PTAR1: variants seen among roughly 807,000 people sequenced by gnomAD.
PTAR1 encodes protein prenyltransferase alpha subunit repeat-containing protein 1.
PTAR1 carries 17 observed loss-of-function variants against 45.5 expected under a neutral mutation model. The ratio of observed to expected loss-of-function variants is 0.37; its 90% CI spans 0.26 to 0.56. The LOEUF (loss-of-function observed/expected upper bound fraction) is 0.56. Among genes scored for constraint, PTAR1 ranks in the 20% least tolerant of loss-of-function variants. The pLI is 0.77. For missense variants in PTAR1, 391 were observed against 476.3 expected (o/e 0.82, Z 1.67); for synonymous variants, 169 against 171.3 (o/e 0.99, Z 0.11).
chr9:69,723,017 T>C (rs941904947), intron 6 of PTAR1, among the ~76,000 whole-genome samples: 1 of 148,392 alleles, frequency 6.7e-6, no homozygotes, highest in South Asian at 2.1e-4. Flanking sequence ...AAGGAAGGAG[T>C]CAAAAAAACT....
chr9:69,725,339 C>T (rs796485469), intron 5 of PTAR1, among the ~76,000 whole-genome samples: 46 of 152,146 alleles, frequency 3.0e-4, no homozygotes, highest in African/African-American at 1.1e-3. Flanking sequence ...CCTGTAATCC[C>T]AGCACTTTGG....
chr9:69,736,994 T>G (rs768542234), intron 3 of PTAR1, among the ~76,000 whole-genome samples: 2 of 152,168 alleles, frequency 1.3e-5, no homozygotes, highest in Admixed American at 6.5e-5. Context: ...TTTGTAGGTG[T>G]TGGATATTGC....
intron 5 of PTAR1, among the ~76,000 whole-genome samples, chr9:69,727,585 G>T (rs1171532594): frequency 6.6e-6 from 1 of 151,430 alleles, no homozygotes; most frequent in Non-Finnish European, 1.5e-5. Context: ...AATTGAACAG[G>T]GAATCCTTTC....
intron 1 of PTAR1, among the ~76,000 whole-genome samples, chr9:69,751,541 TA>T (rs1826534623): frequency 6.6e-6 from 1 of 152,094 alleles, no homozygotes; most frequent in Non-Finnish European, 1.5e-5. Context: ...CTTGGAAGGA[TA>T]ACAAGAAATT....
intron 1 of PTAR1, among the ~76,000 whole-genome samples, chr9:69,755,721 G>A (rs1282654981): frequency 2.0e-5 from 3 of 152,082 alleles, no homozygotes; most frequent in Non-Finnish European, 1.5e-5. Context: ...GGAACTGACC[G>A]TTGCATATTG....
chr9:69,751,498 C>G (rs1826532945), intron 1 of PTAR1, among the ~76,000 whole-genome samples: 1 of 151,888 alleles, frequency 6.6e-6, no homozygotes, highest in African/African-American at 2.4e-5. Context: ...TGTATAATTT[C>G]TTTAGAAGAT....
chr9:69,755,108 T>G (rs1029077367), intron 1 of PTAR1, among the ~76,000 whole-genome samples: 24 of 152,276 alleles, frequency 1.6e-4, no homozygotes, highest in Admixed American at 1.2e-3. Flanking sequence ...TTCTGGCCAT[T>G]TACATTCCTG....
chr9:69,725,901 T>C (rs1825254292), intron 5 of PTAR1, among the ~76,000 whole-genome samples: 1 of 152,138 alleles, frequency 6.6e-6, no homozygotes, highest in Non-Finnish European at 1.5e-5. Context: ...CTTCGTATGA[T>C]ATACGTTAAA....
intron 6 of PTAR1, among the ~76,000 whole-genome samples, chr9:69,719,118 G>A (rs1190536011): frequency 2.0e-5 from 3 of 152,130 alleles, no homozygotes; most frequent in African/African-American, 7.2e-5. Flanking sequence ...AGTTCCTTTA[G>A]AGGCTTAATC....
At chr9:69,757,287 A>G (rs1826827277) in intron 1 of PTAR1, 1 of 152,242 alleles carries the variant, frequency 6.6e-6, no homozygotes, top group South Asian at 2.1e-4. Context: ...AGAGAATCCA[A>G]TATGATTATC....
At chr9:69,749,478 C>T (rs903273619) in intron 2 of PTAR1, among the ~76,000 whole-genome samples, 4 of 152,110 alleles carry the variant, frequency 2.6e-5, no homozygotes, top group African/African-American at 9.7e-5. Flanking sequence ...AACAGATAAA[C>T]TTGCTTACCT....
Position 69,750,939 on chromosome 9 carries a change from C to A in PTAR1, c.98G>T (p.Gly33Val), listed in dbSNP as rs764792126. Reference protein sequence around the residue: ...FRRNPHIDEIGLIPCPEARYN... With the variant: ...FRRNPHIDEIVLIPCPEARYN... ...CCTAGCTTCAGGACATGGGATCAGGCCAATTTCATCTCTTAATATGTAAAA... is the reference window on the plus strand; with the variant it reads ...CCTAGCTTCAGGACATGGGATCAGGACAATTTCATCTCTTAATATGTAAAA... Residue 33 changes from glycine (G) to valine (V), a missense_variant, in exon 2 of 8, where the codon GGC becomes GTC. This residue lies in a region of PTAR1 where 152 missense variants were observed against 160.0 expected (regional missense o/e 0.95). Coordinates refer to ENST00000340434, the MANE Select transcript of PTAR1 (RefSeq NM_001099666.2). The A allele has an allele frequency of 6.3e-7, 1 of 1,582,366 alleles. No individual in the cohort carries two copies. Among genetic ancestry groups the A allele is most frequent in the Non-Finnish European group, 8.6e-7 (1 of 1,166,270 alleles).
At chr9:69,724,012 G>T (rs1825149093) in intron 5 of PTAR1, among the ~76,000 whole-genome samples, 1 of 152,040 alleles carries the variant, frequency 6.6e-6, no homozygotes, top group Non-Finnish European at 1.5e-5. Context: ...TATAAACTCA[G>T]ATTACTTTGA....
At chr9:69,730,870 C>A (rs1041158070) in intron 5 of PTAR1, among the ~76,000 whole-genome samples, 1 of 151,950 alleles carries the variant, frequency 6.6e-6, no homozygotes, top group Non-Finnish European at 1.5e-5. Flanking sequence ...GAACTAAAAT[C>A]GAGTGAATCT....
chr9:69,738,041 T>C lies in PTAR1; in HGVS notation c.323+3751A>G, dbSNP rs569339506. Among the ~76,000 whole-genome samples, 5 of 152,320 alleles carry C rather than the reference T, an allele frequency of 3.3e-5. No homozygotes were observed. In the South Asian group the frequency reaches 1.0e-3, roughly 32 times the overall value. On this transcript the variant is annotated intron_variant, in intron 3 of 7. Transcript: ENST00000340434. The stretch of plus-strand genomic sequence containing the variant: ...TCCTTAGTTTCTACCAAATGTCCTT[T>C]TCCTCTTCTAAAGTTCCCTCCAGGA...
chr9:69,748,902 C>T (rs1309312579), intron 2 of PTAR1, among the ~76,000 whole-genome samples: 1 of 151,900 alleles, frequency 6.6e-6, no homozygotes, highest in African/African-American at 2.4e-5. Flanking sequence ...TATGTGACAC[C>T]ATACTAAATT....
Position 69,717,399 on chromosome 9 carries a change from A to T in PTAR1, c.*943T>A, listed in dbSNP as rs1824772131. 6.6e-6 allele frequency: 1 copy of T among 152,224 alleles called. No homozygotes were observed. The highest frequency in any genetic ancestry group is 2.1e-4 in the South Asian group (1 of 4,834). The allele number at this position is 152,224 out of a possible 1,614,324, so 9.4% of individuals were successfully genotyped here. On this transcript the variant is annotated 3_prime_UTR_variant, in exon 8 of 8. Transcript: ENST00000340434. ...TATAAGGACTGATGTGTTTTGGCAT[A>T]TACCAAATTTGAGGTAAAAATAATC...
At position 69,732,212 on chromosome 9, in the gene PTAR1, C is replaced by T. The variant is rs1032245835; in HGVS notation, c.569G>A (p.Arg190Lys). 1.2e-6 allele frequency: 2 copies of T among 1,613,828 alleles called. No homozygotes were observed. Among genetic ancestry groups the T allele is most frequent in the Non-Finnish European group, 1.7e-6 (2 of 1,179,824 alleles). ...CCAAGCATTATAGTTGCTTGGGTAT[C>T]TCCCTGCTGCTTCACCACAGACCTC... Reference protein sequence around the residue: ...EMEVCGEAAGRYPSNYNAWSH... With the variant: ...EMEVCGEAAGKYPSNYNAWSH... The change falls in exon 5 of 8, where the codon AGA becomes AAA. Residue 190 changes from arginine (R) to lysine (K), a missense_variant. By Grantham distance (26) the Arg-to-Lys change is conservative. Transcript: ENST00000340434.
intron 3 of PTAR1, among the ~76,000 whole-genome samples, chr9:69,737,234 C>A (rs1395904172): frequency 6.6e-6 from 1 of 152,000 alleles, no homozygotes. Flanking sequence ...CACACACAAC[C>A]ACGTCTAGCT....
Sources: gnomAD v4.1 joint callset for allele counts (sites outside exome capture counted in the v4.1 genomes callset) on GRCh38, gnomAD v4.1.1 for gene constraint, gnomAD v4.1.1 regional missense constraint, MANE v1.5 for transcripts, NCBI Gene and HGNC (gene_info 2026-07-23, HGNC 2026-07-21) for gene names.